KALRN: variants seen among roughly 807,000 people sequenced by gnomAD.
KALRN encodes the protein kalirin.
KALRN carries 70 observed loss-of-function variants against 353.7 expected under a neutral mutation model. That is an observed-to-expected ratio of 0.20 (90% CI 0.16 to 0.24). The LOEUF is 0.24. KALRN is among the 10% of genes least tolerant of loss of function. The probability of loss-of-function intolerance (pLI) is 1.00; values close to 1 mark genes in which losing one functional copy is unlikely to be tolerated. For missense variants in KALRN, 2,791 were observed against 3,756.7 expected, an observed-to-expected ratio of 0.74 and a Z score of 6.72; for synonymous variants, 1,391 against 1,434.8, an observed-to-expected ratio of 0.97 and a Z score of 0.69.
intron 9 of KALRN, among the ~76,000 whole-genome samples, chr3:124,336,215 A>G (rs1031951476): frequency 2.0e-5 from 3 of 152,170 alleles, no homozygotes; most frequent in African/African-American, 7.2e-5. Context: ...CCCAGGAGAA[A>G]TGGGCACTAC....
chr3:124,417,088 A>G (rs1327535532), intron 14 of KALRN, among the ~76,000 whole-genome samples: 1 of 152,192 alleles, frequency 6.6e-6, no homozygotes, highest in Non-Finnish European at 1.5e-5. Flanking sequence ...AGTAAACAGG[A>G]GCAATTTCTT....
Position 124,446,229 on chromosome 3 carries a change from T to C in KALRN, c.3382T>C (p.Leu1128=). The C allele has an allele frequency of 6.2e-7, 1 of 1,614,078 alleles. No individual in the cohort carries two copies. The highest frequency in any genetic ancestry group is 1.1e-5 in the South Asian group (1 of 91,078). The change falls in exon 20 of 60, where the codon TTA becomes CTA. Residue 1128 remains leucine (L), a synonymous_variant. Transcript: ENST00000682506. Reference sequence around the variant, plus strand: ...TTTCTGGACCTTGAAGAAGCGGCGGTTAGACCAATGCCAGCAATATGTGGT... The same window carrying C: ...TTTCTGGACCTTGAAGAAGCGGCGGCTAGACCAATGCCAGCAATATGTGGT... ...LHFWTLKKRR[L]DQCQQYVVFE...
In KALRN at chr3:124,384,736, C is replaced by A. The variant is rs558582461; in HGVS notation, c.1771-109C>A. 1.3e-4 allele frequency: 139 copies of A among 1,065,442 alleles called. No homozygotes were observed. In the African/African-American group the frequency reaches 1.8e-3, roughly 14 times the overall value. The allele number at this position is 1,065,442 out of a possible 1,614,324, so 66.0% of individuals were successfully genotyped here. A position where few individuals can be genotyped will look rare whatever the true frequency, so the allele number is the denominator to read the frequency against. On this transcript the variant is annotated intron_variant, in intron 10 of 59. Coordinates refer to ENST00000682506, the MANE Select transcript of KALRN (RefSeq NM_001388419.1). ...CGCGCCTCAGTGCCAGATCAGGGAG[C>A]TGTCAGCTCAGCGCCCACGCCCCTC...
At chr3:124,491,204 T>G (rs2063128032) in intron 30 of KALRN, 119 bp from the exon 31 acceptor site, 1 of 630,430 alleles carries the variant, frequency 1.6e-6, no homozygotes, top group African/African-American at 1.9e-5. Flanking sequence ...TAAAGTTTGA[T>G]TGACAGAAGC....
intron 10 of KALRN, among the ~76,000 whole-genome samples, chr3:124,372,653 T>A (rs569799247): frequency 6.6e-6 from 1 of 152,250 alleles, no homozygotes; most frequent in Non-Finnish European, 1.5e-5. Flanking sequence ...TAAATATTCT[T>A]CAAAAACATA....
At chr3:124,338,353 G>A (rs1298892145) in intron 9 of KALRN, among the ~76,000 whole-genome samples, 4 of 152,092 alleles carry the variant, frequency 2.6e-5, no homozygotes. Context: ...TCTCATTGGT[G>A]TCAAAGAACT....
intron 6 of KALRN, among the ~76,000 whole-genome samples, chr3:124,310,374 C>G (rs909674572): frequency 4.6e-5 from 7 of 152,170 alleles, no homozygotes; most frequent in African/African-American, 1.7e-4. Context: ...ATATCTCTAT[C>G]AGGATCCCAA....
intron 3 of KALRN, among the ~76,000 whole-genome samples, chr3:124,259,255 A>C (rs1032391803): frequency 6.6e-6 from 1 of 152,232 alleles, no homozygotes; most frequent in Non-Finnish European, 1.5e-5. Context: ...GGCACTTGCT[A>C]GCCCTGGTGT....
chr3:124,672,687 A>G (rs1317267725), intron 48 of KALRN, among the ~76,000 whole-genome samples: 2 of 152,206 alleles, frequency 1.3e-5, no homozygotes, highest in East Asian at 3.8e-4. Flanking sequence ...TAGTCTACAC[A>G]GCTATTTTGC....
chr3:124,252,961 G>A (rs528400809), intron 3 of KALRN, among the ~76,000 whole-genome samples: 1 of 152,224 alleles, frequency 6.6e-6, no homozygotes, highest in Non-Finnish European at 1.5e-5. Context: ...CTCATTCTCT[G>A]TAAGACACTG....
At chr3:124,420,032 G>T (rs78264788) in intron 14 of KALRN, among the ~76,000 whole-genome samples, 10,106 of 152,206 alleles carry the variant, frequency 0.066, 798 homozygotes, top group African/African-American at 0.18. Context: ...ATTCTTCTAG[G>T]TGTGGCTGGA....
At chr3:124,659,127 G>A (rs1180753145) in intron 42 of KALRN, among the ~76,000 whole-genome samples, 1 of 151,936 alleles carries the variant, frequency 6.6e-6, no homozygotes, top group Non-Finnish European at 1.5e-5. Flanking sequence ...AGACCAAGGT[G>A]TGGAAGTACT....
chr3:124,481,487 G>A (rs570195850), intron 27 of KALRN, among the ~76,000 whole-genome samples: 6 of 152,218 alleles, frequency 3.9e-5, no homozygotes, highest in South Asian at 2.1e-4. Flanking sequence ...GATTACAGGC[G>A]TGAGCCACCA....
chr3:124,696,503 A>T (rs1028470735), intron 54 of KALRN, among the ~76,000 whole-genome samples: 27 of 152,150 alleles, frequency 1.8e-4, no homozygotes, highest in Non-Finnish European at 2.9e-4. Context: ...TTTATTTTTT[A>T]AATTTCAGTA....
intron 6 of KALRN, among the ~76,000 whole-genome samples, chr3:124,315,575 C>G (rs1447210909): frequency 2.0e-5 from 3 of 152,050 alleles, no homozygotes; most frequent in Non-Finnish European, 4.4e-5. Flanking sequence ...GTCCACTGCT[C>G]TCTCAGGTCC....
At chr3:124,055,694 T>A (rs1287987558) in intron 1 of KALRN, among the ~76,000 whole-genome samples, 1 of 152,230 alleles carries the variant, frequency 6.6e-6, no homozygotes, top group Admixed American at 6.5e-5. Flanking sequence ...CACGATCACA[T>A]GCTACTTTAG....
chr3:124,062,068 A>G (rs1236755304), intron 1 of KALRN, among the ~76,000 whole-genome samples: 2 of 152,210 alleles, frequency 1.3e-5, no homozygotes, highest in African/African-American at 4.8e-5. Context: ...TGCATATTAA[A>G]AAAAGCCTCA....
Position 124,473,003 on chromosome 3 carries a change from G to A in KALRN, c.4032-1660G>A, listed in dbSNP as rs954476342. Among the ~76,000 whole-genome samples, 9 of 152,112 alleles carry A rather than the reference G, an allele frequency of 5.9e-5. No homozygotes were observed. In the East Asian group the frequency reaches 1.4e-3, roughly 23 times the overall value. ...ATCGCTAAAGCAATGCTCATTTGTC[G>A]TAGAAAAAATTAAATTGCAGATGGA... On this transcript the variant is annotated intron_variant, in intron 25 of 59. Transcript: ENST00000682506.
chr3:124,710,229 A>G (rs2062824871), intron 57 of KALRN, among the ~76,000 whole-genome samples: 1 of 152,242 alleles, frequency 6.6e-6, no homozygotes, highest in East Asian at 1.9e-4. Flanking sequence ...TAGAGGCTCA[A>G]CTGTGAATAG....
Sources: gnomAD v4.1 joint callset for allele counts (sites outside exome capture counted in the v4.1 genomes callset) on GRCh38, gnomAD v4.1.1 for gene constraint, MANE v1.5 for transcripts, NCBI Gene and HGNC (gene_info 2026-07-23, HGNC 2026-07-21) for gene names.